The following PPARGC1A variants were observed in gnomAD, a reference collection of about 807,000 sequenced individuals.
PPARGC1A encodes peroxisome proliferator-activated receptor gamma coactivator 1-alpha.
A neutral mutation model predicts 88.7 loss-of-function variants in PPARGC1A; 25 were observed. The ratio of observed to expected loss-of-function variants is 0.28; its 90% CI spans 0.21 to 0.39. The LOEUF (loss-of-function observed/expected upper bound fraction) is 0.39. Among genes scored for constraint, PPARGC1A ranks in the 10% least tolerant of loss-of-function variants. PPARGC1A has a pLI of 1.00. For synonymous variants in PPARGC1A, 363 were observed against 355.6 expected (o/e 1.02, Z -0.24); for missense variants, 880 against 968.7 (o/e 0.91, Z 1.22).
the PPARGC1A span, among the ~76,000 whole-genome samples, chr4:24,001,269 G>A: frequency 6.6e-6 from 1 of 152,166 alleles, no homozygotes; most frequent in Admixed American, 6.5e-5. Context: ...TTAATTGGTG[G>A]AAGTGGGGAG....
the PPARGC1A span, among the ~76,000 whole-genome samples, chr4:24,155,403 G>A: frequency 6.6e-6 from 1 of 151,764 alleles, no homozygotes; most frequent in African/African-American, 2.4e-5. Context: ...TGGGTGAACA[G>A]CTTGAGCCCA....
the PPARGC1A span, among the ~76,000 whole-genome samples, chr4:24,282,180 C>T: frequency 8.5e-4 from 130 of 152,212 alleles, no homozygotes; most frequent in African/African-American, 3.0e-3. Context: ...AGCAACTTGC[C>T]CTAGGTCACA....
chr4:24,032,765 A>G, the PPARGC1A span, among the ~76,000 whole-genome samples: 2 of 152,148 alleles, frequency 1.3e-5, no homozygotes, highest in Admixed American at 6.6e-5. Context: ...CAGACACTAC[A>G]CAGGAAGCTC....
chr4:24,306,181 G>A, the PPARGC1A span, among the ~76,000 whole-genome samples: 1 of 152,168 alleles, frequency 6.6e-6, no homozygotes. Flanking sequence ...CTTACCCAGA[G>A]TCATCCAGCT....
chr4:24,248,114 C>T, the PPARGC1A span, among the ~76,000 whole-genome samples: 2 of 152,102 alleles, frequency 1.3e-5, no homozygotes, highest in Non-Finnish European at 2.9e-5. Context: ...CCCTGTATTT[C>T]TTTCTCTTTT....
At chr4:23,947,301 C>T in the PPARGC1A span, among the ~76,000 whole-genome samples, 2,149 of 142,856 alleles carry the variant, frequency 0.015, 58 homozygotes, top group African/African-American at 0.052. Flanking sequence ...CTCATTTTAC[C>T]CTCAAAATAA....
At chr4:24,132,820 A>G in the PPARGC1A span, among the ~76,000 whole-genome samples, 1 of 148,412 alleles carries the variant, frequency 6.7e-6, no homozygotes, top group Non-Finnish European at 1.5e-5. Flanking sequence ...CACTTGACCT[A>G]CCCAATTTAG....
the PPARGC1A span, among the ~76,000 whole-genome samples, chr4:24,430,452 G>A: frequency 3.3e-5 from 5 of 151,600 alleles, no homozygotes; most frequent in South Asian, 2.1e-4. Flanking sequence ...TAGTAGAGAC[G>A]GGGTTTCACC....
At chr4:24,020,773 C>T in the PPARGC1A span, among the ~76,000 whole-genome samples, 2 of 152,128 alleles carry the variant, frequency 1.3e-5, no homozygotes, top group South Asian at 2.1e-4. Context: ...CCCTTGTCTC[C>T]GAAGCCTCCA....
At chr4:23,845,206 C>G (rs752234379) in intron 2 of PPARGC1A, among the ~76,000 whole-genome samples, 3 of 151,984 alleles carry the variant, frequency 2.0e-5, no homozygotes, top group Non-Finnish European at 4.4e-5. Flanking sequence ...ACTACATTAA[C>G]CCTAGGCATA....
the PPARGC1A span, among the ~76,000 whole-genome samples, chr4:24,215,630 T>C: frequency 1.3e-5 from 2 of 152,172 alleles, no homozygotes; most frequent in African/African-American, 4.8e-5. Flanking sequence ...GAAGACATTT[T>C]AAACCAAACT....
At chr4:24,151,227 G>C in the PPARGC1A span, among the ~76,000 whole-genome samples, 5 of 152,166 alleles carry the variant, frequency 3.3e-5, no homozygotes, top group South Asian at 1.0e-3. Context: ...TAGCAGGCTG[G>C]GTGGCCTAAA....
chr4:24,058,415 A>G, the PPARGC1A span, among the ~76,000 whole-genome samples: 1 of 152,200 alleles, frequency 6.6e-6, no homozygotes, highest in Non-Finnish European at 1.5e-5. Flanking sequence ...TCCCTGGCAG[A>G]GGACGCTGGT....
the PPARGC1A span, among the ~76,000 whole-genome samples, chr4:24,032,382 T>C: frequency 1.8e-4 from 28 of 152,280 alleles, no homozygotes; most frequent in South Asian, 1.7e-3. Flanking sequence ...ATGGAGCCTC[T>C]TGCCTTTCCA....
At chr4:24,427,534 A>C in the PPARGC1A span, among the ~76,000 whole-genome samples, 1 of 151,986 alleles carries the variant, frequency 6.6e-6, no homozygotes, top group Non-Finnish European at 1.5e-5. Flanking sequence ...CCCGTGACCT[A>C]TCCAGTTTGT....
At chr4:23,864,924 CT>C (rs1211082534) in intron 2 of PPARGC1A, among the ~76,000 whole-genome samples, 2 of 152,202 alleles carry the variant, frequency 1.3e-5, no homozygotes, top group Non-Finnish European at 2.9e-5. Context: ...TTGCTCACGC[CT>C]GTAACCCTAG....
the PPARGC1A span, among the ~76,000 whole-genome samples, chr4:24,099,958 C>G: frequency 8.3e-6 from 1 of 120,698 alleles, no homozygotes; most frequent in African/African-American, 3.3e-5. Context: ...ACATCACACA[C>G]CGGGGGCCTG....
chr4:24,131,983 T>C, the PPARGC1A span, among the ~76,000 whole-genome samples: 1 of 152,228 alleles, frequency 6.6e-6, no homozygotes, highest in Non-Finnish European at 1.5e-5. Context: ...CCCATATTTA[T>C]GTTAAAACAT....
chr4:24,289,254 G>C, the PPARGC1A span, among the ~76,000 whole-genome samples: 1 of 148,492 alleles, frequency 6.7e-6, no homozygotes, highest in Non-Finnish European at 1.5e-5. Context: ...GAGAGAGAGA[G>C]AGAAGAAAAA....
Sources: gnomAD v4.1 joint callset for allele counts (sites outside exome capture counted in the v4.1 genomes callset) on GRCh38, gnomAD v4.1.1 for gene constraint, MANE v1.5 for transcripts, NCBI Gene and HGNC (gene_info 2026-07-23, HGNC 2026-07-21) for gene names.